CGNL1: variants seen among roughly 807,000 people sequenced by gnomAD.
CGNL1 encodes the protein cingulin-like protein 1.
Under a neutral mutation model 141.2 loss-of-function variants are expected in CGNL1, and 132 were observed. The observed-to-expected ratio is 0.93, with a 90% CI of 0.81 to 1.08. CGNL1 has a LOEUF of 1.08. Ranked by LOEUF, CGNL1 falls within the 50% of genes least tolerant of loss-of-function variation. The pLI, the probability that CGNL1 is intolerant of heterozygous loss-of-function variation, is 0.00. For synonymous variants in CGNL1, 690 were observed against 622.1 expected, an observed-to-expected ratio of 1.11 and a Z score of -1.63; for missense variants, 1,870 against 1,588.6, an observed-to-expected ratio of 1.18 and a Z score of -3.01.
intron 8 of CGNL1, among the ~76,000 whole-genome samples, chr15:57,467,142 A>G (rs1322590362): frequency 6.6e-6 from 1 of 152,216 alleles, no homozygotes; most frequent in Non-Finnish European, 1.5e-5. Context: ...GTTCGTGAGG[A>G]CTATACATAT....
In CGNL1 at chr15:57,458,559, A is replaced by G. The variant is rs189390396; in HGVS notation, c.2191-3121A>G. ...AAAACATAGAGATATGCTGGAAAAC[A>G]TAAGTGTGGGGAGAGGAACTGTCTT... On this transcript the variant is annotated intron_variant, in intron 7 of 18. Transcript: ENST00000281282. Among the ~76,000 whole-genome samples the G allele has an allele frequency of 8.5e-5, 13 of 152,354 alleles. No homozygotes were observed. In the East Asian group the frequency reaches 1.4e-3, roughly 16 times the overall value.
At chr15:57,380,557 G>A (rs1276219992) in intron 1 of CGNL1, among the ~76,000 whole-genome samples, 2 of 152,168 alleles carry the variant, frequency 1.3e-5, no homozygotes, top group Non-Finnish European at 2.9e-5. Context: ...CATTGGCACA[G>A]GAGGCATAAG....
rs542776246 is a variant in CGNL1, at chr15:57,538,753, C to T, written c.3292-4943C>T. Among the ~76,000 whole-genome samples the T allele has an allele frequency of 2.6e-5, 4 of 152,334 alleles. No homozygotes were observed. The South Asian group carries it at 8.3e-4, about 32-fold the overall frequency. On this transcript the variant is annotated intron_variant, in intron 14 of 18. Transcript: ENST00000281282. ...CCATCCTGGAATCCCTCCATGCGCT[C>T]TCTGCACTCTGCCTCACTCCACCAT...
At chr15:57,487,204 T>G (rs11631943) in intron 8 of CGNL1, among the ~76,000 whole-genome samples, 20,360 of 152,224 alleles carry the variant, frequency 0.13, 1,957 homozygotes, top group East Asian at 0.47. Context: ...AAATTCATAT[T>G]ATGAAGAACA....
chr15:57,485,369 A>T (rs2063773470), intron 8 of CGNL1, among the ~76,000 whole-genome samples: 1 of 152,212 alleles, frequency 6.6e-6, no homozygotes, highest in Non-Finnish European at 1.5e-5. Flanking sequence ...ATTTTGCTAG[A>T]AAGAGATTTC....
At chr15:57,506,420 T>C (rs1021441980) in intron 8 of CGNL1, among the ~76,000 whole-genome samples, 13 of 152,172 alleles carry the variant, frequency 8.5e-5, no homozygotes, top group African/African-American at 3.1e-4. Context: ...TCCTTTTATC[T>C]CCTGGAAACT....
At chr15:57,388,281 C>T (rs182566360) in intron 1 of CGNL1, among the ~76,000 whole-genome samples, 9 of 150,190 alleles carry the variant, frequency 6.0e-5, no homozygotes, top group Admixed American at 3.3e-4. Context: ...GGGAAAACTC[C>T]GGAGTTGTCA....
rs199684798 is a variant in CGNL1 at position 57,546,086 on chromosome 15, G to A, written c.3620G>A (p.Arg1207His). The A allele has an allele frequency of 1.4e-5, 23 of 1,613,126 alleles. No homozygotes were observed. The highest frequency in any genetic ancestry group is 4.0e-5 in the African/African-American group (3 of 74,902). Residue 1207 changes from arginine to histidine, a missense_variant, in exon 18 of 19, where the codon CGT becomes CAT. By Grantham distance (29) the Arg-to-His change is conservative. Coordinates refer to ENST00000281282, the MANE Select transcript of CGNL1 (RefSeq NM_032866.5). ...LTDQKDQLSL[R>H]LKAMKRQVEE... ...TCTCTCCCGGTGCAGCTGAGCTTGCGTTTGAAAGCCATGAAGCGGCAGGTG... is the reference window on the plus strand; with the variant it reads ...TCTCTCCCGGTGCAGCTGAGCTTGCATTTGAAAGCCATGAAGCGGCAGGTG...
At chr15:57,386,465 C>T (rs561414226) in intron 1 of CGNL1, among the ~76,000 whole-genome samples, 2 of 152,276 alleles carry the variant, frequency 1.3e-5, no homozygotes, top group South Asian at 2.1e-4. Flanking sequence ...GGTTGGGGCT[C>T]AACAAAGAAT....
chr15:57,518,564 ATG>A (rs2031013828), intron 10 of CGNL1, 67 bp downstream of exon 10: 3 of 1,046,564 alleles, frequency 2.9e-6, no homozygotes, highest in Non-Finnish European at 4.4e-6. Flanking sequence ...CACCAGAGGG[ATG>A]TGTGGAGATT....
chr15:57,427,466 C>T (rs2062988443), intron 1 of CGNL1, among the ~76,000 whole-genome samples: 1 of 152,056 alleles, frequency 6.6e-6, no homozygotes, highest in Non-Finnish European at 1.5e-5. Flanking sequence ...TCGATGACGC[C>T]CAGGGAGCTG....
chr15:57,500,495 G>T lies in CGNL1; in HGVS notation c.2404-16285G>T, dbSNP rs367649020. Among the ~76,000 whole-genome samples the T allele has an allele frequency of 3.5e-4, 53 of 152,304 alleles. No homozygotes were observed. In the East Asian group the frequency reaches 9.7e-3, roughly 28 times the overall value. On this transcript the variant is annotated intron_variant, in intron 8 of 18. Transcript: ENST00000281282. The stretch of plus-strand genomic sequence containing the variant: ...AGTTTGCTCATCTGGAAAATGAGAG[G>T]CTAGAACGAACGTCAGGCCCCTCCT...
At chr15:57,476,147 T>C (rs11633853) in intron 8 of CGNL1, among the ~76,000 whole-genome samples, 20,271 of 152,084 alleles carry the variant, frequency 0.13, 1,893 homozygotes, top group East Asian at 0.45. Context: ...GTGTGGGGCA[T>C]GAGAAGCTGG....
intron 8 of CGNL1, among the ~76,000 whole-genome samples, chr15:57,514,914 T>C (rs1176861100): frequency 3.3e-5 from 5 of 152,236 alleles, no homozygotes; most frequent in Non-Finnish European, 7.3e-5. Flanking sequence ...TGGCTATACA[T>C]GTAGGGGTTT....
At chr15:57,474,605 A>T (rs1253683810) in intron 8 of CGNL1, among the ~76,000 whole-genome samples, 5 of 152,248 alleles carry the variant, frequency 3.3e-5, no homozygotes, top group African/African-American at 1.2e-4. Flanking sequence ...TTTTAAACCC[A>T]GCTTTGTCAT....
At chr15:57,515,518 C>T (rs1385379054) in intron 8 of CGNL1, among the ~76,000 whole-genome samples, 2 of 152,168 alleles carry the variant, frequency 1.3e-5, no homozygotes, top group African/African-American at 4.8e-5. Context: ...TTATCGCAGG[C>T]GTCTGTAGCA....
At chr15:57,430,030 G>A (rs6493930) in intron 1 of CGNL1, among the ~76,000 whole-genome samples, 97,103 of 152,110 alleles carry the variant, frequency 0.64, 32,363 homozygotes, top group South Asian at 0.77. Context: ...AGGCTGGTCT[G>A]AGACTCTTGG....
At chr15:57,495,866 A>T (rs549578586) in intron 8 of CGNL1, among the ~76,000 whole-genome samples, 12 of 152,224 alleles carry the variant, frequency 7.9e-5, no homozygotes, top group Admixed American at 3.9e-4. Context: ...TTGGGAAGAC[A>T]TCTATTTTCA....
chr15:57,441,351 T>C (rs1444736011), intron 3 of CGNL1, among the ~76,000 whole-genome samples: 1 of 152,162 alleles, frequency 6.6e-6, no homozygotes, highest in Non-Finnish European at 1.5e-5. Flanking sequence ...GAAGAAATCT[T>C]GACTTTTAAA....
Sources: gnomAD v4.1 joint callset for allele counts (sites outside exome capture counted in the v4.1 genomes callset) on GRCh38, gnomAD v4.1.1 for gene constraint, MANE v1.5 for transcripts, NCBI Gene and HGNC (gene_info 2026-07-23, HGNC 2026-07-21) for gene names.